PCDH15: variants seen among roughly 807,000 people sequenced by gnomAD.
PCDH15 encodes the protein protocadherin related 15, also known as protocadherin-15.
A neutral mutation model predicts 178.5 loss-of-function variants in PCDH15; 129 were observed. The observed-to-expected ratio is 0.72, with a 90% CI of 0.63 to 0.84. The LOEUF is 0.84. Ranked by LOEUF, PCDH15 falls within the 40% of genes least tolerant of loss-of-function variation. The probability of loss-of-function intolerance (pLI) is 0.00; values close to 1 mark genes in which losing one functional copy is unlikely to be tolerated. For missense variants in PCDH15, 2,230 were observed against 2,099.9 expected (o/e 1.06, Z -1.21); for synonymous variants, 800 against 732.0 (o/e 1.09, Z -1.50).
intron 15 of PCDH15, among the ~76,000 whole-genome samples, chr10:54,099,243 G>A (rs7074578): frequency 6.6e-6 from 1 of 152,040 alleles, no homozygotes; most frequent in Non-Finnish European, 1.5e-5. Flanking sequence ...GCTCACGCCT[G>A]TAATGCCAGC....
intron 3 of PCDH15, among the ~76,000 whole-genome samples, chr10:54,831,586 C>G (rs1041779321): frequency 1.4e-4 from 21 of 152,036 alleles, no homozygotes; most frequent in African/African-American, 5.1e-4. Context: ...TTGGGAAATA[C>G]AATGACTAGT....
At chr10:54,886,131 A>G (rs543719822) in intron 3 of PCDH15, among the ~76,000 whole-genome samples, 16 of 145,486 alleles carry the variant, frequency 1.1e-4, no homozygotes, top group Middle Eastern at 3.4e-3. Flanking sequence ...TCACAAATAT[A>G]GAGACAGATT....
chr10:54,725,098 G>C (rs80148123), intron 1 of PCDH15, among the ~76,000 whole-genome samples: 20,591 of 151,280 alleles, frequency 0.14, 1,485 homozygotes, highest in East Asian at 0.25. Context: ...GCCAGAATAA[G>C]ACATCACATT....
chr10:53,861,876 A>G (rs1215439339), intron 27 of PCDH15, among the ~76,000 whole-genome samples: 2 of 151,942 alleles, frequency 1.3e-5, no homozygotes, highest in African/African-American at 4.8e-5. Context: ...TGTCTTTCCT[A>G]ACTAACTAAC....
At chr10:54,386,648 AAAGAAC>A (rs1949968651) in intron 3 of PCDH15, among the ~76,000 whole-genome samples, 1 of 152,182 alleles carries the variant, frequency 6.6e-6, no homozygotes, top group Non-Finnish European at 1.5e-5. Context: ...AAAAGTGTGT[AAAGAAC>A]TTGAATCAAT....
intron 2 of PCDH15, among the ~76,000 whole-genome samples, chr10:54,913,176 A>C (rs1591779347): frequency 6.6e-6 from 1 of 152,348 alleles, no homozygotes; most frequent in East Asian, 1.9e-4. Context: ...AGTAGCCAAG[A>C]CAATGGGGAA....
At chr10:53,857,308 A>C (rs1170220349) in intron 27 of PCDH15, 45 bp from the exon 28 acceptor site, 1 of 1,458,522 alleles carries the variant, frequency 6.9e-7, no homozygotes, top group South Asian at 1.1e-5. Flanking sequence ...TACTCACTGA[A>C]ATTTCCATAA....
chr10:55,619,800 A>T (rs1843553725), intron 2 of PCDH15, among the ~76,000 whole-genome samples: 3 of 152,012 alleles, frequency 2.0e-5, no homozygotes, highest in Admixed American at 2.0e-4. Context: ...CCAATGTAGA[A>T]GTCACATATA....
intron 10 of PCDH15, among the ~76,000 whole-genome samples, chr10:54,196,128 T>G (rs1164290966): frequency 2.6e-5 from 4 of 152,046 alleles, no homozygotes; most frequent in Non-Finnish European, 4.4e-5. Flanking sequence ...CTGTAATAAA[T>G]TATTATTATT....
intron 3 of PCDH15, among the ~76,000 whole-genome samples, chr10:54,459,459 A>G (rs1477829907): frequency 2.0e-5 from 3 of 152,054 alleles, no homozygotes; most frequent in Non-Finnish European, 4.4e-5. Context: ...GTTGTTTTGC[A>G]TGAAGTCGTA....
intron 13 of PCDH15, among the ~76,000 whole-genome samples, chr10:54,175,956 T>C (rs1377872196): frequency 6.6e-6 from 1 of 152,138 alleles, no homozygotes; most frequent in Non-Finnish European, 1.5e-5. Flanking sequence ...TTACCTATGA[T>C]ATAGAATAAC....
chr10:54,661,262 G>A (rs1397144043), intron 2 of PCDH15, among the ~76,000 whole-genome samples: 1 of 151,834 alleles, frequency 6.6e-6, no homozygotes, highest in Non-Finnish European at 1.5e-5. Context: ...CACTCAAACT[G>A]AGAACCAAAT....
rs915890358 is a variant in PCDH15, at chr10:53,821,015, A to T, written c.4368-785T>A. 1.1e-5 allele frequency: 8 copies of T among 728,606 alleles called. No homozygotes were observed. In the African/African-American group the frequency reaches 1.4e-4, roughly 12 times the overall value. 45.1% of individuals were successfully genotyped at this position (728,606 alleles called of 1,614,324 possible). A position where few individuals can be genotyped will look rare whatever the true frequency, so the allele number is the denominator to read the frequency against. ...GGAATCTTATGAAAAAATTTAAATT[A>T]GGGAGATGATTAATAATATGAACAA... On this transcript the variant is annotated intron_variant, in intron 32 of 37. Coordinates refer to ENST00000644397, the MANE Select transcript of PCDH15 (RefSeq NM_001384140.1).
At chr10:55,083,651 A>G (rs1591889402) in intron 2 of PCDH15, among the ~76,000 whole-genome samples, 1 of 151,926 alleles carries the variant, frequency 6.6e-6, no homozygotes, top group African/African-American at 2.4e-5. Context: ...AAATAATCTT[A>G]TAAGTGGGAA....
intron 1 of PCDH15, among the ~76,000 whole-genome samples, chr10:54,726,857 A>G (rs1206327650): frequency 6.6e-6 from 1 of 151,336 alleles, no homozygotes; most frequent in Non-Finnish European, 1.5e-5. Flanking sequence ...AAAAGAAGAA[A>G]AAAAAAACAG....
chr10:55,068,603 T>C (rs193298911), intron 2 of PCDH15, among the ~76,000 whole-genome samples: 404 of 152,278 alleles, frequency 2.7e-3, no homozygotes, highest in African/African-American at 9.3e-3. Flanking sequence ...AAATGAATTT[T>C]AGGATATTTT....
intron 2 of PCDH15, among the ~76,000 whole-genome samples, chr10:55,093,480 G>A (rs1009036835): frequency 6.6e-6 from 1 of 151,964 alleles, no homozygotes; most frequent in Admixed American, 6.6e-5. Flanking sequence ...CTCTTTAGTT[G>A]AATTAGATCC....
In PCDH15 at chr10:54,275,429, T is replaced by C. The variant is rs370606424; in HGVS notation, c.877-38498A>G. Among the ~76,000 whole-genome samples the C allele has an allele frequency of 8.6e-5, 13 of 152,032 alleles. No homozygotes were observed. In the East Asian group the frequency reaches 2.1e-3, roughly 25 times the overall value. On this transcript the variant is annotated intron_variant, in intron 8 of 37. Transcript: ENST00000644397. ...AAGTTAAAAGGCGGCAGATGTAGAA[T>C]TCATTCACAACAATCTAGATCCAGA...
chr10:55,329,794 T>C (rs999464540), intron 2 of PCDH15, among the ~76,000 whole-genome samples: 1 of 151,388 alleles, frequency 6.6e-6, no homozygotes, highest in African/African-American at 2.4e-5. Flanking sequence ...TTATACAGAG[T>C]TTTAGCTGAA....
Sources: allele counts gnomAD v4.1 joint callset (sites outside exome capture counted in the v4.1 genomes callset), GRCh38; gene constraint gnomAD v4.1.1; transcripts MANE v1.5; gene names NCBI Gene and HGNC (gene_info 2026-07-23, HGNC 2026-07-21).